The following RIPOR3 variants were observed in gnomAD, a reference collection of about 807,000 sequenced individuals.
RIPOR3 encodes family with sequence similarity 65 member C.
A neutral mutation model predicts 114.3 loss-of-function variants in RIPOR3; 95 were observed. The observed-to-expected ratio is 0.83, with a 90% CI of 0.70 to 0.99. RIPOR3 has a LOEUF of 0.99. RIPOR3 is among the 50% of genes least tolerant of loss of function. RIPOR3 has a pLI of 0.00. For synonymous variants in RIPOR3, 575 were observed against 543.8 expected (o/e 1.06, Z -0.80); for missense variants, 1,252 against 1,266.9 (o/e 0.99, Z 0.18).
intron 1 of RIPOR3, among the ~76,000 whole-genome samples, chr20:50,679,121 A>ATATAT (rs1600761983): frequency 2.6e-5 from 2 of 77,224 alleles, no homozygotes; most frequent in East Asian, 4.1e-4. Flanking sequence ...AAAAAAAAAA[A>ATATAT]AAAAAAAAAA....
intron 14 of RIPOR3, among the ~76,000 whole-genome samples, chr20:50,596,651 G>A (rs112469279): frequency 6.6e-6 from 1 of 152,156 alleles, no homozygotes; most frequent in African/African-American, 2.4e-5. Flanking sequence ...GGGCAAGAGC[G>A]CCTCACACCA....
intron 1 of RIPOR3, among the ~76,000 whole-genome samples, chr20:50,667,413 C>A (rs2086291164): frequency 6.6e-6 from 1 of 150,578 alleles, no homozygotes; most frequent in Admixed American, 6.7e-5. Flanking sequence ...CCTGCCTCAA[C>A]CTCCCAAGTA....
chr20:50,599,385 C>T (rs1178119398), intron 13 of RIPOR3, among the ~76,000 whole-genome samples: 1 of 151,626 alleles, frequency 6.6e-6, no homozygotes, highest in South Asian at 2.1e-4. Flanking sequence ...GAGTGAGACT[C>T]CGTCTCCAAA....
intron 1 of RIPOR3, among the ~76,000 whole-genome samples, chr20:50,633,926 CTCAGGGACACACATATTTCTT>C (rs922738982): frequency 5.3e-5 from 8 of 151,958 alleles, no homozygotes; most frequent in African/African-American, 1.9e-4. Flanking sequence ...TGAGAGGCGA[CTCAGGGACACACATATTTCTT>C]TCTTTATTTC....
At position 50,609,366 on chromosome 20, in the gene RIPOR3, C is replaced by T. The variant is rs778882632; in HGVS notation, c.577-10G>A. ...CGATGAGCCACATGTCCTGCAAAGC[C>T]CCGGAGGTGGCTCAGCTGGCTGCCT... On this transcript the variant is annotated splice_polypyrimidine_tract_variant and intron_variant, in intron 7 of 21. Transcript: ENST00000327979. The T allele has an allele frequency of 6.2e-7, 1 of 1,612,872 alleles. No homozygotes were observed. The highest frequency in any genetic ancestry group is 1.1e-5 in the South Asian group (1 of 90,868).
intron 1 of RIPOR3, among the ~76,000 whole-genome samples, chr20:50,669,096 A>G (rs537464559): frequency 7.2e-5 from 11 of 151,998 alleles, no homozygotes; most frequent in South Asian, 4.1e-4. Flanking sequence ...CATGGCGCGC[A>G]CACACCCATA....
chr20:50,617,155 G>A (rs1478099715), intron 3 of RIPOR3, among the ~76,000 whole-genome samples: 2 of 152,080 alleles, frequency 1.3e-5, no homozygotes, highest in Non-Finnish European at 1.5e-5. Flanking sequence ...CAAAGAAGGT[G>A]GGGGGCGTCT....
Position 50,596,185 on chromosome 20 carries a change from G to C in RIPOR3, c.1869C>G (p.Asp623Glu). ...RELTAGAPEL[D>E]VLLMVHLQVC... ...CTTGGAGGTGTACCATCAGCAGCAC[G>C]TCCAGCTCTGGGGCACCGGCTGTGA... The change falls in exon 15 of 22, where the codon GAC (aspartate) becomes GAG (glutamate). Residue 623 changes from aspartate (D) to glutamate (E), a missense_variant. Physicochemically the swap from Asp to Glu is conservative, Grantham distance 45 (BLOSUM62 2). Coordinates refer to ENST00000327979, the MANE Select transcript of RIPOR3 (RefSeq NM_001290268.2). The C allele has an allele frequency of 1.2e-6, 2 of 1,614,196 alleles. No homozygotes were observed. The highest frequency in any genetic ancestry group is 1.7e-6 in the Non-Finnish European group (2 of 1,180,038).
chr20:50,687,332 T>G (rs141667975), intron 1 of RIPOR3, among the ~76,000 whole-genome samples: 5 of 152,242 alleles, frequency 3.3e-5, no homozygotes, highest in Non-Finnish European at 7.3e-5. Context: ...GAGAGGAGTT[T>G]GGCTGCTGGT....
At chr20:50,653,843 G>A (rs980149031) in intron 1 of RIPOR3, 13 of 151,782 alleles carry the variant, frequency 8.6e-5, no homozygotes, top group African/African-American at 2.9e-4. Context: ...CATCCGCCTC[G>A]GATATTTCTC....
chr20:50,684,347 C>T (rs2086948377), intron 1 of RIPOR3, among the ~76,000 whole-genome samples: 1 of 152,166 alleles, frequency 6.6e-6, no homozygotes, highest in Non-Finnish European at 1.5e-5. Flanking sequence ...AGAATGAGCA[C>T]CCAGGCATAG....
rs759898022 is a variant in RIPOR3 at position 50,631,583 on chromosome 20, A to T, written c.4-727T>A. 5.8e-4 allele frequency among the ~76,000 whole-genome samples: 88 copies of T among 152,110 alleles called. 2 individuals are homozygous for T. Among genetic ancestry groups the T allele is most frequent in the Non-Finnish European group, 2.8e-4 (19 of 68,008 alleles). The stretch of plus-strand genomic sequence containing the variant: ...GCCCCAAGCAGGGGCTTGGCCTTAC[A>T]ATGGGGCAAGGGTGACTGGGAGCCA... On this transcript the variant is annotated intron_variant, in intron 1 of 21. Coordinates refer to ENST00000327979, the MANE Select transcript of RIPOR3 (RefSeq NM_001290268.2).
At chr20:50,605,201 G>A (rs1484284680) in intron 11 of RIPOR3, among the ~76,000 whole-genome samples, 1 of 152,130 alleles carries the variant, frequency 6.6e-6, no homozygotes, top group Non-Finnish European at 1.5e-5. Context: ...CCAAAGTGCT[G>A]GGATTACAGG....
rs2084159967 is a variant in RIPOR3 at position 50,616,023 on chromosome 20, G to A, written c.327C>T (p.Asp109=). ...ELDHLSGRHK[D]TRRNSRLAFY... Reference sequence around the variant, plus strand: ...TCACCAGCCTGGAATTCCTCCTGGTGTCTTTGTGGCGTCCAGACAGGTGGT... The same window carrying A: ...TCACCAGCCTGGAATTCCTCCTGGTATCTTTGTGGCGTCCAGACAGGTGGT... The change falls in exon 4 of 22, where the codon GAC becomes GAT. Residue 109 remains aspartate (D), a synonymous_variant. Transcript: ENST00000327979. 6.2e-7 allele frequency: 1 copy of A among 1,610,292 alleles called. No homozygotes were observed. The highest frequency in any genetic ancestry group is 1.1e-5 in the South Asian group (1 of 89,838).
Position 50,639,242 on chromosome 20 carries a change from A to C in RIPOR3, c.4-8386T>G, listed in dbSNP as rs2085105091. Among the ~76,000 whole-genome samples, 5 of 140,322 alleles carry C rather than the reference A, an allele frequency of 3.6e-5. No individual in the cohort carries two copies. In the South Asian group the frequency reaches 1.1e-3, roughly 31 times the overall value. 92.1% of individuals were successfully genotyped at this position (140,322 alleles called of 152,430 possible). On this transcript the variant is annotated intron_variant, in intron 1 of 21. Coordinates refer to ENST00000327979, the MANE Select transcript of RIPOR3 (RefSeq NM_001290268.2). ...GGGTGACAGAGCGAGACTCCAACTC[A>C]AAAAAAAAAAACCTGAAAACAGCAA...
At chr20:50,623,676 C>T (rs2084506226) in intron 2 of RIPOR3, among the ~76,000 whole-genome samples, 1 of 124,146 alleles carries the variant, frequency 8.1e-6, no homozygotes, top group Non-Finnish European at 1.6e-5. Context: ...CAGGCCAGGG[C>T]TAGTGGGCTG....
chr20:50,684,307 T>C (rs1439005650), intron 1 of RIPOR3, among the ~76,000 whole-genome samples: 1 of 152,140 alleles, frequency 6.6e-6, no homozygotes, highest in Non-Finnish European at 1.5e-5. Context: ...ACCTGCGCGA[T>C]ATGAACAAGT....
intron 20 of RIPOR3, among the ~76,000 whole-genome samples, chr20:50,588,884 T>G (rs963441007): frequency 2.6e-5 from 4 of 151,072 alleles, no homozygotes; most frequent in Non-Finnish European, 5.9e-5. Flanking sequence ...ATCGAGACCA[T>G]CCTGGCTAAC....
At chr20:50,612,072 C>T (rs2083997097) in intron 4 of RIPOR3, among the ~76,000 whole-genome samples, 1 of 149,874 alleles carries the variant, frequency 6.7e-6, no homozygotes, top group African/African-American at 2.5e-5. Context: ...TTGCAGTGAT[C>T]TAAGACCGTG....
Sources: allele counts gnomAD v4.1 joint callset (sites outside exome capture counted in the v4.1 genomes callset), GRCh38; gene constraint gnomAD v4.1.1; transcripts MANE v1.5; gene names NCBI Gene and HGNC (gene_info 2026-07-23, HGNC 2026-07-21).